RAB37: variants seen among roughly 807,000 people sequenced by gnomAD.
The protein encoded by RAB37 is ras-related protein Rab-37.
Under a neutral mutation model 33.1 loss-of-function variants are expected in RAB37, and 29 were observed. The ratio of observed to expected loss-of-function variants is 0.88; its 90% CI spans 0.65 to 1.20. The LOEUF (loss-of-function observed/expected upper bound fraction) is 1.20. Among genes scored for constraint, RAB37 ranks in the 50% most tolerant of loss-of-function variants. The probability of loss-of-function intolerance (pLI) is 0.00; values close to 1 mark genes in which losing one functional copy is unlikely to be tolerated. For missense variants in RAB37, 299 were observed against 301.1 expected (o/e 0.99, Z 0.05); for synonymous variants, 128 against 119.5 (o/e 1.07, Z -0.47).
upstream of RAB37, chr17:74,737,232 T>C (rs1438912145): frequency 2.6e-6 from 4 of 1,538,292 alleles, no homozygotes; most frequent in South Asian, 1.2e-5. Context: ...TGCGCTCTCC[T>C]TCGCCTGCGG....
chr17:74,708,785 G>T (rs368605844), intron 1 of RAB37, among the ~76,000 whole-genome samples: 5 of 151,918 alleles, frequency 3.3e-5, no homozygotes, highest in Non-Finnish European at 5.9e-5. Context: ...GCGTGGTGGC[G>T]GGCGCCTGTA....
At chr17:74,701,689 C>T (rs908025386) in intron 1 of RAB37, among the ~76,000 whole-genome samples, 4 of 152,060 alleles carry the variant, frequency 2.6e-5, no homozygotes, top group South Asian at 2.1e-4. Context: ...AAAACCCCAT[C>T]GCTACTAAAA....
At chr17:74,711,906 CTTTTT>C (rs71361629) in intron 1 of RAB37, among the ~76,000 whole-genome samples, 1 of 123,670 alleles carries the variant, frequency 8.1e-6, no homozygotes. Flanking sequence ...TTTCTTTTTT[CTTTTT>C]TTTTTTTTTT....
rs572280688 is a variant in RAB37, at chr17:74,738,254, C to T, written c.93+889C>T. Reference sequence around the variant, plus strand: ...TGAAGGAGACCTGCCTCTCTCTGGGCCTCGGTTTCCTCCCCGACACCAGGG... The same window carrying T: ...TGAAGGAGACCTGCCTCTCTCTGGGTCTCGGTTTCCTCCCCGACACCAGGG... On this transcript the variant is annotated intron_variant, in intron 1 of 8. Transcript: ENST00000392613. This position sits in a 1 kb window ranked among gnomAD's most constrained non-coding sequence, Gnocchi z 5.0. Among the ~76,000 whole-genome samples the T allele has an allele frequency of 2.0e-5, 3 of 152,178 alleles. No homozygotes were observed. The highest frequency in any genetic ancestry group is 2.9e-5 in the Non-Finnish European group (2 of 68,032).
At chr17:74,697,539 C>T (rs147515968) in intron 1 of RAB37, among the ~76,000 whole-genome samples, 16 of 152,282 alleles carry the variant, frequency 1.1e-4, no homozygotes, top group African/African-American at 3.6e-4. Flanking sequence ...TCTTCCCAGG[C>T]GAAAGATTTC....
At chr17:74,727,884 G>C (rs949812506) in intron 1 of RAB37, among the ~76,000 whole-genome samples, 1 of 151,794 alleles carries the variant, frequency 6.6e-6, no homozygotes, top group Non-Finnish European at 1.5e-5. Context: ...TTGTGTTTAT[G>C]TTTGTGTGTA....
At chr17:74,720,545 C>T (rs2034225442) in intron 1 of RAB37, among the ~76,000 whole-genome samples, 1 of 152,044 alleles carries the variant, frequency 6.6e-6, no homozygotes, top group Non-Finnish European at 1.5e-5. Flanking sequence ...GAGCCAAGAT[C>T]CCACCATTAC....
intron 1 of RAB37, chr17:74,672,679 G>A (rs1035128419): frequency 6.2e-4 from 94 of 152,192 alleles, no homozygotes; most frequent in African/African-American, 2.2e-3. Context: ...ACTACTACAC[G>A]TGTAGTATTC....
At chr17:74,732,424 C>T (rs888126742), upstream of RAB37, among the ~76,000 whole-genome samples, 2 of 148,716 alleles carry the variant, frequency 1.3e-5, no homozygotes. Context: ...CTGCCATCGA[C>T]CTGGATAGCA....
At chr17:74,694,934 G>C in intron 1 of RAB37, 1 of 683,252 alleles carries the variant, frequency 1.5e-6, no homozygotes, top group Non-Finnish European at 2.4e-6. Flanking sequence ...AGCCCCCTGA[G>C]ACTTGGCCCC....
chr17:74,739,354 C>T (rs1384592861), intron 1 of RAB37, among the ~76,000 whole-genome samples: 1 of 152,042 alleles, frequency 6.6e-6, no homozygotes, highest in African/African-American at 2.4e-5. Context: ...GAGAGGGCCA[C>T]GCCCCCTCCA....
chr17:74,738,800 G>C lies in RAB37; in HGVS notation c.93+1435G>C, dbSNP rs1275417813. Among the ~76,000 whole-genome samples, 1 of 152,150 alleles carries C rather than the reference G, an allele frequency of 6.6e-6. No individual in the cohort carries two copies. The highest frequency in any genetic ancestry group is 1.5e-5 in the Non-Finnish European group (1 of 68,006). ...AGTCCAGGACCCTCTGAGAAAGCCT[G>C]GCAGGAGCTCCTTGGACCAGACTAG... On this transcript the variant is annotated intron_variant, in intron 1 of 8. Coordinates refer to ENST00000392613, the MANE Select transcript of RAB37 (RefSeq NM_001006638.3). This position sits in a 1 kb window ranked among gnomAD's most constrained non-coding sequence, Gnocchi z 5.0.
At chr17:74,672,060 G>T (rs4567756) in intron 1 of RAB37, among the ~76,000 whole-genome samples, 10 of 152,164 alleles carry the variant, frequency 6.6e-5, no homozygotes, top group Non-Finnish European at 1.3e-4. Flanking sequence ...TCTGAAATTA[G>T]ATAAATGGTC....
At chr17:74,712,710 G>T in intron 1 of RAB37, 2 of 1,065,574 alleles carry the variant, frequency 1.9e-6, no homozygotes, top group Non-Finnish European at 2.8e-6. Flanking sequence ...TGGATGAAAC[G>T]CACAAGGCTC....
At position 74,712,560 on chromosome 17, in the gene RAB37, C is replaced by T. The variant is rs553123077; in HGVS notation, c.73-16696C>T. ...ATGTTCCTCCTCTGCTTTTCCCTGG[C>T]CGGCGGGGCCTACAGTCTGTCCATT... On this transcript the variant is annotated intron_variant, in intron 1 of 7. Coordinates refer to the RAB37 transcript ENST00000340415. 3.9e-5 allele frequency among the ~76,000 whole-genome samples: 6 copies of T among 152,344 alleles called. No homozygotes were observed. In the East Asian group the frequency reaches 1.2e-3, roughly 29 times the overall value.
At chr17:74,734,969 AAAAGAAAGAAAGAAAAAG>A (rs1238834761), upstream of RAB37, among the ~76,000 whole-genome samples, 1 of 144,418 alleles carries the variant, frequency 6.9e-6, no homozygotes, top group Admixed American at 7.0e-5. Context: ...GAAAGAAAGA[AAAAGAAAGAAAGAAAAAG>A]AAAGGAAGAA....
intron 1 of RAB37, among the ~76,000 whole-genome samples, chr17:74,697,456 C>T (rs2032604635): frequency 6.6e-6 from 1 of 152,116 alleles, no homozygotes; most frequent in South Asian, 2.1e-4. Context: ...GGAGAAAAAG[C>T]GATGAATAAA....
At chr17:74,704,416 A>G (rs1175595788) in intron 1 of RAB37, 1 of 1,161,616 alleles carries the variant, frequency 8.6e-7, no homozygotes, top group African/African-American at 1.5e-5. Flanking sequence ...CTTGAGTAGG[A>G]CCTCAGAGAC....
rs777871045 is a variant in RAB37, at chr17:74,745,045, C to T, written c.527C>T (p.Thr176Ile). 1.9e-6 allele frequency: 3 copies of T among 1,614,250 alleles called. No individual in the cohort carries two copies. The highest frequency in any genetic ancestry group is 1.7e-5 in the Admixed American group (1 of 60,032). ...GVPFLETSAKTGMNVELAFLA... is the reference protein window; with the variant it reads ...GVPFLETSAKIGMNVELAFLA... ...CCCTTCCTGGAGACCAGCGCCAAGA[C>T]TGGCATGAATGTGGAGTTAGCCTTT... Residue 176 changes from threonine to isoleucine, a missense_variant, in exon 8 of 9, where the codon ACT becomes ATT. Coordinates refer to ENST00000392613, the MANE Select transcript of RAB37 (RefSeq NM_001006638.3). This position sits in a 1 kb window ranked among gnomAD's most constrained non-coding sequence, Gnocchi z 4.5.
Sources: allele counts gnomAD v4.1 joint callset (sites outside exome capture counted in the v4.1 genomes callset), GRCh38; gene constraint gnomAD v4.1.1; non-coding constraint Gnocchi (gnomAD v3.1); transcripts MANE v1.5; gene names NCBI Gene and HGNC (gene_info 2026-07-23, HGNC 2026-07-21).